The following CNTNAP2 variants were observed in gnomAD, a reference collection of about 807,000 sequenced individuals.
CNTNAP2 encodes contactin-associated protein-like 2.
Under a neutral mutation model 155.2 loss-of-function variants are expected in CNTNAP2, and 98 were observed. The ratio of observed to expected loss-of-function variants is 0.63; its 90% CI spans 0.54 to 0.75. The LOEUF (loss-of-function observed/expected upper bound fraction) is 0.75. CNTNAP2 is among the 30% of genes least tolerant of loss of function. The pLI is 0.00. For missense variants in CNTNAP2, 1,727 were observed against 1,688.1 expected, an observed-to-expected ratio of 1.02 and a Z score of -0.40; for synonymous variants, 651 against 631.2, an observed-to-expected ratio of 1.03 and a Z score of -0.47.
intron 23 of CNTNAP2, among the ~76,000 whole-genome samples, 166 bp from the exon 24 acceptor site, chr7:148,415,251 G>A (rs1194984563): frequency 6.6e-6 from 1 of 152,148 alleles, no homozygotes; most frequent in Non-Finnish European, 1.5e-5. Flanking sequence ...ACTCCTTCAT[G>A]GACAAAAACA....
intron 1 of CNTNAP2, among the ~76,000 whole-genome samples, chr7:146,255,683 G>C (rs1424808646): frequency 1.3e-5 from 2 of 152,190 alleles, no homozygotes; most frequent in Non-Finnish European, 2.9e-5. Context: ...ATAGTTTACT[G>C]TGCTGACTTC....
chr7:147,816,357 G>T lies in CNTNAP2; in HGVS notation c.2099-87208G>T, dbSNP rs59002554. 6.0e-3 allele frequency among the ~76,000 whole-genome samples: 906 copies of T among 152,086 alleles called. 9 individuals carry two copies. Among genetic ancestry groups the T allele is most frequent in the South Asian group, 0.017 (81 of 4,810 alleles). ...GGTGAACGGAAAGGTAGCAAAGACGGGTATGTACGGGAAGGTCTGAGATTG... is the reference window on the plus strand; with the variant it reads ...GGTGAACGGAAAGGTAGCAAAGACGTGTATGTACGGGAAGGTCTGAGATTG... On this transcript the variant is annotated intron_variant, in intron 13 of 23. Coordinates refer to ENST00000361727, the MANE Select transcript of CNTNAP2 (RefSeq NM_014141.6).
At chr7:146,478,825 A>G (rs1457073176) in intron 1 of CNTNAP2, among the ~76,000 whole-genome samples, 7 of 152,030 alleles carry the variant, frequency 4.6e-5, no homozygotes, top group Non-Finnish European at 7.4e-5. Flanking sequence ...AATTTAGGAG[A>G]GTTTTCTATT....
rs377118385 is a variant in CNTNAP2, at chr7:146,801,832, A to G, written c.208+27451A>G. Among the ~76,000 whole-genome samples, 41 of 152,294 alleles carry G rather than the reference A, an allele frequency of 2.7e-4. No homozygotes were observed. The South Asian group carries it at 3.9e-3, about 15-fold the overall frequency. On this transcript the variant is annotated intron_variant, in intron 2 of 23. Coordinates refer to ENST00000361727, the MANE Select transcript of CNTNAP2 (RefSeq NM_014141.6). The stretch of plus-strand genomic sequence containing the variant: ...GTGAATTTTAAATGCTTCATGGTAA[A>G]GAGAATAGAGTGGAAAGTGAGATGC...
intron 8 of CNTNAP2, among the ~76,000 whole-genome samples, chr7:147,266,618 T>TA (rs1378587576): frequency 6.6e-6 from 1 of 152,320 alleles, no homozygotes; most frequent in South Asian, 2.1e-4. Context: ...TGTGCTTCCA[T>TA]AAAAAATGAT....
intron 4 of CNTNAP2, among the ~76,000 whole-genome samples, chr7:147,050,822 C>T (rs1016956760): frequency 6.6e-6 from 1 of 152,132 alleles, no homozygotes; most frequent in Non-Finnish European, 1.5e-5. Flanking sequence ...AAGGTGTTAG[C>T]AAGGGTAGTT....
intron 9 of CNTNAP2, among the ~76,000 whole-genome samples, chr7:147,374,342 TAA>T (rs1796399280): frequency 6.6e-6 from 1 of 152,118 alleles, no homozygotes; most frequent in Non-Finnish European, 1.5e-5. Flanking sequence ...CTGTTACCAG[TAA>T]AAAGTCATTT....
intron 11 of CNTNAP2, among the ~76,000 whole-genome samples, chr7:147,508,793 T>C (rs1217383025): frequency 1.3e-5 from 2 of 152,184 alleles, no homozygotes; most frequent in Non-Finnish European, 2.9e-5. Context: ...TGCCTGACAC[T>C]ATGTAAGACA....
chr7:147,198,232 C>CTTTTTT (rs71525992), intron 8 of CNTNAP2, among the ~76,000 whole-genome samples: 2,274 of 112,908 alleles, frequency 0.02, 46 homozygotes, highest in Non-Finnish European at 0.025. Flanking sequence ...TTCCAATATC[C>CTTTTTT]TTTTTTTTTT....
intron 13 of CNTNAP2, among the ~76,000 whole-genome samples, chr7:147,746,417 G>A (rs932087236): frequency 6.6e-6 from 1 of 152,108 alleles, no homozygotes; most frequent in African/African-American, 2.4e-5. Context: ...TCACACAGAC[G>A]GAGCACAGTT....
At chr7:147,721,328 A>T (rs1334695988) in intron 13 of CNTNAP2, among the ~76,000 whole-genome samples, 1 of 152,096 alleles carries the variant, frequency 6.6e-6, no homozygotes, top group Non-Finnish European at 1.5e-5. Flanking sequence ...TGGTTGACAA[A>T]ATCAGAATAT....
chr7:147,797,134 A>G (rs574611561), intron 13 of CNTNAP2, among the ~76,000 whole-genome samples: 1 of 152,280 alleles, frequency 6.6e-6, no homozygotes, highest in African/African-American at 2.4e-5. Context: ...CTATTAACTT[A>G]CAAATCACAT....
In CNTNAP2 at chr7:148,315,368, A is replaced by C. The variant is rs956628494; in HGVS notation, c.3475+48242A>C. On this transcript the variant is annotated intron_variant, in intron 21 of 23. Coordinates refer to ENST00000361727, the MANE Select transcript of CNTNAP2 (RefSeq NM_014141.6). Reference sequence around the variant, plus strand: ...ATTTGGGTAGGTAAAGGAAAATTACAGTCAAAGGGGGGTTGTTCTCTGGCG... The same window carrying C: ...ATTTGGGTAGGTAAAGGAAAATTACCGTCAAAGGGGGGTTGTTCTCTGGCG... Among the ~76,000 whole-genome samples the C allele has an allele frequency of 8.5e-5, 13 of 152,242 alleles. 1 individual carries two copies. The highest frequency in any genetic ancestry group is 2.9e-4 in the African/African-American group (12 of 41,548).
chr7:147,244,437 T>G (rs1176825733), intron 8 of CNTNAP2, among the ~76,000 whole-genome samples: 1 of 152,228 alleles, frequency 6.6e-6, no homozygotes, highest in Non-Finnish European at 1.5e-5. Context: ...AGATATATAA[T>G]TCTCAGATTT....
At chr7:147,024,294 A>G (rs1798862902) in intron 3 of CNTNAP2, among the ~76,000 whole-genome samples, 1 of 152,244 alleles carries the variant, frequency 6.6e-6, no homozygotes, top group Admixed American at 6.5e-5. Flanking sequence ...TGGTTACACG[A>G]ATCTATGCAA....
intron 3 of CNTNAP2, among the ~76,000 whole-genome samples, chr7:146,965,637 AAG>A (rs890752223): frequency 2.6e-5 from 4 of 152,184 alleles, no homozygotes; most frequent in African/African-American, 4.8e-5. Context: ...TGGGAAATAG[AAG>A]AGGACCCTTA....
chr7:146,712,659 CT>C lies in CNTNAP2; in HGVS notation c.98-61603del, dbSNP rs944729060. ...GACTAGAATTTTGATCTACTTTTGC[CT>C]TTTTTTTTCTTTTTTAGTTTAAGAT... On this transcript the variant is annotated intron_variant, in intron 1 of 23. Coordinates refer to ENST00000361727, the MANE Select transcript of CNTNAP2 (RefSeq NM_014141.6). 1.5e-3 allele frequency among the ~76,000 whole-genome samples: 230 copies of C among 149,854 alleles called. 1 individual carries two copies. The highest frequency in any genetic ancestry group is 5.2e-3 in the African/African-American group (212 of 40,978).
intron 9 of CNTNAP2, among the ~76,000 whole-genome samples, chr7:147,393,795 A>T (rs928197001): frequency 3.9e-5 from 6 of 151,978 alleles, no homozygotes; most frequent in Admixed American, 3.3e-4. Context: ...TTAAGTCAAG[A>T]AGTTAATTCA....
chr7:148,200,104 C>T (rs1359724483), intron 18 of CNTNAP2, among the ~76,000 whole-genome samples: 1 of 152,156 alleles, frequency 6.6e-6, no homozygotes, highest in Non-Finnish European at 1.5e-5. Flanking sequence ...TCTATTCAGT[C>T]GACTGACTGA....
Sources: allele counts gnomAD v4.1 joint callset (sites outside exome capture counted in the v4.1 genomes callset), GRCh38; gene constraint gnomAD v4.1.1; transcripts MANE v1.5; gene names NCBI Gene and HGNC (gene_info 2026-07-23, HGNC 2026-07-21).